Variants in CTNND2 observed in about 807,000 individuals in gnomAD.
CTNND2 encodes catenin delta-2.
A neutral mutation model predicts 144.4 loss-of-function variants in CTNND2; 22 were observed. That is an observed-to-expected ratio of 0.15 (90% CI 0.11 to 0.22). The LOEUF is 0.22. CTNND2 is among the 10% of genes least tolerant of loss of function. CTNND2 has a pLI of 1.00. For synonymous variants in CTNND2, 751 were observed against 695.6 expected, an observed-to-expected ratio of 1.08 and a Z score of -1.25; for missense variants, 1,353 against 1,618.8, an observed-to-expected ratio of 0.84 and a Z score of 2.82.
At chr5:11,129,622 C>T (rs1755361670) in intron 12 of CTNND2, among the ~76,000 whole-genome samples, 1 of 151,772 alleles carries the variant, frequency 6.6e-6, no homozygotes, top group South Asian at 2.1e-4. Flanking sequence ...TTGGTATCTT[C>T]CACTTCTGCC....
intron 2 of CTNND2, among the ~76,000 whole-genome samples, chr5:11,699,268 C>T (rs1028939203): frequency 6.6e-6 from 1 of 151,992 alleles, no homozygotes; most frequent in African/African-American, 2.4e-5. Flanking sequence ...AGGATAGAGG[C>T]CAAGAGTCCA....
chr5:11,329,028 C>T (rs1164993556), intron 9 of CTNND2, among the ~76,000 whole-genome samples: 1 of 152,204 alleles, frequency 6.6e-6, no homozygotes, highest in Non-Finnish European at 1.5e-5. Flanking sequence ...TGTAGATGAA[C>T]AAATTCCCAC....
intron 16 of CTNND2, among the ~76,000 whole-genome samples, chr5:11,040,281 G>A (rs550147438): frequency 1.3e-5 from 2 of 152,004 alleles, no homozygotes; most frequent in Non-Finnish European, 2.9e-5. Flanking sequence ...GCACAGACCT[G>A]TAGCACATAT....
intron 2 of CTNND2, among the ~76,000 whole-genome samples, chr5:11,657,417 A>C (rs1782970500): frequency 6.6e-6 from 1 of 151,990 alleles, no homozygotes; most frequent in Admixed American, 6.6e-5. Flanking sequence ...GTATTTAGCT[A>C]TCTCTCTCTC....
intron 16 of CTNND2, among the ~76,000 whole-genome samples, chr5:11,023,679 T>C (rs7717556): frequency 0.15 from 22,794 of 152,200 alleles, 2,771 homozygotes; most frequent in East Asian, 0.53. Flanking sequence ...AGGTAACACT[T>C]ACTAATTTGG....
intron 10 of CTNND2, among the ~76,000 whole-genome samples, chr5:11,219,665 T>C (rs1239626569): frequency 6.6e-6 from 1 of 152,052 alleles, no homozygotes; most frequent in Non-Finnish European, 1.5e-5. Flanking sequence ...AGAGGGGATG[T>C]GATGTTAGAG....
chr5:11,643,389 C>T (rs1561650961), intron 2 of CTNND2, among the ~76,000 whole-genome samples: 1 of 111,480 alleles, frequency 9.0e-6, no homozygotes, highest in African/African-American at 3.7e-5. Context: ...TCCCCCCTCC[C>T]CCCACCCCAC....
intron 1 of CTNND2, among the ~76,000 whole-genome samples, chr5:11,868,423 G>A (rs906667241): frequency 6.6e-6 from 1 of 152,146 alleles, no homozygotes. Context: ...ATGATCTTTG[G>A]TGTTAAATGA....
At chr5:11,241,847 G>T (rs1431506343) in intron 9 of CTNND2, among the ~76,000 whole-genome samples, 2 of 152,096 alleles carry the variant, frequency 1.3e-5, no homozygotes, top group African/African-American at 4.8e-5. Flanking sequence ...GGACAAAGAG[G>T]ATCCTGTAAG....
intron 2 of CTNND2, among the ~76,000 whole-genome samples, chr5:11,634,034 G>A (rs535468453): frequency 6.6e-6 from 1 of 152,064 alleles, no homozygotes; most frequent in Non-Finnish European, 1.5e-5. Flanking sequence ...TGCTTCTCCT[G>A]CACACAGCTC....
intron 18 of CTNND2, among the ~76,000 whole-genome samples, chr5:10,997,137 G>A (rs1018323037): frequency 3.9e-5 from 6 of 152,074 alleles, no homozygotes; most frequent in African/African-American, 1.4e-4. Context: ...TAGGTATCAC[G>A]GCAGGAGAAA....
intron 1 of CTNND2, among the ~76,000 whole-genome samples, chr5:11,792,162 AGAAT>A (rs1461179685): frequency 6.6e-6 from 1 of 152,188 alleles, no homozygotes; most frequent in Non-Finnish European, 1.5e-5. Context: ...TTTAAATGAG[AGAAT>A]GCCTGCCAAA....
At chr5:11,122,125 C>T (rs137865660) in intron 12 of CTNND2, among the ~76,000 whole-genome samples, 8 of 152,178 alleles carry the variant, frequency 5.3e-5, no homozygotes, top group Middle Eastern at 3.4e-3. Flanking sequence ...CTGTGACTGA[C>T]TGTGCTCTAT....
At chr5:11,318,931 A>AT (rs55695974) in intron 9 of CTNND2, among the ~76,000 whole-genome samples, 28,116 of 151,208 alleles carry the variant, frequency 0.19, 2,958 homozygotes, top group East Asian at 0.41. Context: ...TAATAATAAT[A>AT]ATATATATAT....
At chr5:11,145,602 A>T (rs1327493768) in intron 12 of CTNND2, among the ~76,000 whole-genome samples, 1 of 152,046 alleles carries the variant, frequency 6.6e-6, no homozygotes, top group Non-Finnish European at 1.5e-5. Flanking sequence ...CAGTGCTATC[A>T]TGGGTCCTCT....
intron 6 of CTNND2, among the ~76,000 whole-genome samples, chr5:11,396,049 T>C (rs1258167137): frequency 6.8e-6 from 1 of 146,058 alleles, no homozygotes; most frequent in East Asian, 1.9e-4. Context: ...GCTCGGGGGT[T>C]ACAGAGCCAG....
chr5:11,763,990 G>A (rs960813474), intron 1 of CTNND2, among the ~76,000 whole-genome samples: 5 of 152,036 alleles, frequency 3.3e-5, no homozygotes, highest in Non-Finnish European at 7.4e-5. Context: ...TGAAAATTAG[G>A]GCACATGAAA....
At chr5:11,214,931 C>A (rs894021894) in intron 10 of CTNND2, among the ~76,000 whole-genome samples, 3 of 152,302 alleles carry the variant, frequency 2.0e-5, no homozygotes, top group African/African-American at 7.2e-5. Flanking sequence ...CATTTACCAC[C>A]TGACATATTT....
intron 12 of CTNND2, among the ~76,000 whole-genome samples, chr5:11,130,522 C>A (rs746062999): frequency 1.3e-5 from 2 of 152,174 alleles, no homozygotes; most frequent in African/African-American, 2.4e-5. Flanking sequence ...ACAGAGTTAA[C>A]TGCTCTATGA....
Sources: allele counts gnomAD v4.1 joint callset (sites outside exome capture counted in the v4.1 genomes callset), GRCh38; gene constraint gnomAD v4.1.1; transcripts MANE v1.5; gene names NCBI Gene and HGNC (gene_info 2026-07-23, HGNC 2026-07-21).